PCDHA12: variants seen among roughly 807,000 people sequenced by gnomAD.
PCDHA12 encodes protocadherin alpha-12.
PCDHA12 carries 44 observed loss-of-function variants against 60.0 expected under a neutral mutation model. That is an observed-to-expected ratio of 0.73 (90% confidence interval 0.58 to 0.94). PCDHA12 has a LOEUF of 0.94. Ranked by LOEUF, PCDHA12 falls within the 40% of genes least tolerant of loss-of-function variation. The probability of loss-of-function intolerance (pLI) is 0.00; values close to 1 mark genes in which losing one functional copy is unlikely to be tolerated. For synonymous variants in PCDHA12, 569 were observed against 553.0 expected, an observed-to-expected ratio of 1.03 and a Z score of -0.40; for missense variants, 1,276 against 1,239.7, an observed-to-expected ratio of 1.03 and a Z score of -0.44.
At chr5:141,000,377 C>G (rs1213637729) in intron 3 of PCDHA12, among the ~76,000 whole-genome samples, 1 of 58,954 alleles carries the variant, frequency 1.7e-5, no homozygotes, top group South Asian at 5.5e-4. Flanking sequence ...CTCTCTCTCT[C>G]TCTCTCTCTC....
chr5:140,926,745 C>T (rs1344644551), intron 1 of PCDHA12: 3 of 1,219,360 alleles, frequency 2.5e-6, no homozygotes, highest in Non-Finnish European at 3.2e-6. Flanking sequence ...GGCGCAACGT[C>T]GGCGGTCGCT....
intron 3 of PCDHA12, among the ~76,000 whole-genome samples, chr5:141,004,253 C>G (rs1460798910): frequency 6.6e-6 from 1 of 152,200 alleles, no homozygotes; most frequent in Non-Finnish European, 1.5e-5. Flanking sequence ...TTTTGTTTTA[C>G]TGGAATGAGT....
At chr5:140,941,505 C>T (rs536733497) in intron 1 of PCDHA12, among the ~76,000 whole-genome samples, 11 of 151,390 alleles carry the variant, frequency 7.3e-5, no homozygotes, top group East Asian at 1.9e-4. Flanking sequence ...TTAGTAGAGA[C>T]GAGGTTTCAC....
Position 140,875,884 on chromosome 5 carries a change from C to A in PCDHA12, c.412C>A (p.Gln138Lys). ...DNPPVFRERE[Q>K]KVPVSESAPL... ...CCCGCCGGTGTTCAGAGAAAGGGAA[C>A]AAAAGGTACCTGTTTCTGAATCTGC... The change falls in exon 1 of 4, where the codon CAA becomes AAA. Residue 138 changes from glutamine (Q) to lysine (K), a missense_variant. Gln to Lys is a moderately conservative substitution (Grantham distance 53). Coordinates refer to ENST00000398631, the MANE Select transcript of PCDHA12 (RefSeq NM_018903.4). The A allele has an allele frequency of 6.2e-7, 1 of 1,614,168 alleles. No individual in the cohort carries two copies. The highest frequency in any genetic ancestry group is 8.5e-7 in the Non-Finnish European group (1 of 1,180,020).
chr5:140,989,575 G>A (rs2097349164), intron 3 of PCDHA12, among the ~76,000 whole-genome samples: 3 of 152,210 alleles, frequency 2.0e-5, no homozygotes. Flanking sequence ...GGCAAGCCCT[G>A]TCCTCAGCCT....
chr5:140,954,488 T>C (rs1270188262), intron 1 of PCDHA12, among the ~76,000 whole-genome samples: 1 of 152,246 alleles, frequency 6.6e-6, no homozygotes, highest in Non-Finnish European at 1.5e-5. Flanking sequence ...AGATATTTCA[T>C]TGTGGTTTTG....
At chr5:140,951,766 C>T (rs372624744) in intron 1 of PCDHA12, among the ~76,000 whole-genome samples, 78 of 152,240 alleles carry the variant, frequency 5.1e-4, no homozygotes, top group African/African-American at 1.6e-3. Context: ...AATCTCATGA[C>T]GTTCTTACAT....
chr5:140,984,712 G>A (rs2097116348), intron 3 of PCDHA12, among the ~76,000 whole-genome samples: 1 of 152,096 alleles, frequency 6.6e-6, no homozygotes, highest in Non-Finnish European at 1.5e-5. Context: ...AGGGAATATG[G>A]CATAAAGATT....
chr5:140,934,822 T>C (rs2090051776), intron 1 of PCDHA12, among the ~76,000 whole-genome samples: 1 of 152,218 alleles, frequency 6.6e-6, no homozygotes. Flanking sequence ...ATGCTAACTT[T>C]GGCAAGTTGG....
At chr5:140,946,893 A>T (rs1233227457) in intron 1 of PCDHA12, among the ~76,000 whole-genome samples, 1 of 151,482 alleles carries the variant, frequency 6.6e-6, no homozygotes, top group African/African-American at 2.4e-5. Context: ...TTACAATTAG[A>T]TAGGAAGAAT....
At chr5:140,893,011 T>C (rs1194599055) in intron 1 of PCDHA12, among the ~76,000 whole-genome samples, 1 of 152,234 alleles carries the variant, frequency 6.6e-6, no homozygotes, top group Non-Finnish European at 1.5e-5. Flanking sequence ...TATTTTTCTG[T>C]GCCTGACTTA....
At position 140,876,957 on chromosome 5, in the gene PCDHA12, G is replaced by T. The variant is rs2056730695; in HGVS notation, c.1485G>T (p.Val495=). 7 of 1,613,178 alleles carry T rather than the reference G, an allele frequency of 4.3e-6. No homozygotes were observed. Among genetic ancestry groups the T allele is most frequent in the Non-Finnish European group, 5.9e-6 (7 of 1,179,858 alleles). ...QKNALVSYSL[V]ERRVGEHALS... ...ACGCGCTGGTGTCCTACTCGCTGGT[G>T]GAGCGGCGGGTGGGCGAGCACGCAC... The change falls in exon 1 of 4, where the codon GTG becomes GTT. Residue 495 remains valine, a synonymous_variant. Coordinates refer to ENST00000398631, the MANE Select transcript of PCDHA12 (RefSeq NM_018903.4).
At chr5:140,955,126 G>T (rs947007538) in intron 1 of PCDHA12, among the ~76,000 whole-genome samples, 6 of 152,110 alleles carry the variant, frequency 3.9e-5, no homozygotes, top group African/African-American at 1.4e-4. Flanking sequence ...CTGTTCCACT[G>T]GTCTACACGT....
intron 1 of PCDHA12, chr5:140,967,436 C>T (rs781894469): frequency 6.2e-7 from 1 of 1,613,496 alleles, no homozygotes; most frequent in Non-Finnish European, 8.5e-7. Context: ...AGCCTTGCAC[C>T]ACCTGGTTCT....
Position 140,908,048 on chromosome 5 carries a change from C to T in PCDHA12, c.2367+30209C>T, listed in dbSNP as rs143198443. On this transcript the variant is annotated intron_variant, in intron 1 of 3. Transcript: ENST00000398631. The stretch of plus-strand genomic sequence containing the variant: ...ATTAATCAGTATATAATTGCACATC[C>T]GGCCATTTCTCCTTCATGAAAAGTG... 1.1e-3 allele frequency among the ~76,000 whole-genome samples: 169 copies of T among 152,294 alleles called. 1 individual carries two copies. The East Asian group carries it at 0.023, about 21-fold the overall frequency.
intron 1 of PCDHA12, among the ~76,000 whole-genome samples, chr5:140,922,316 A>T (rs983729529): frequency 6.6e-6 from 1 of 152,248 alleles, no homozygotes; most frequent in Non-Finnish European, 1.5e-5. Flanking sequence ...TTCACTGAAG[A>T]TCTTGGAAAG....
At chr5:140,967,947 C>A in intron 1 of PCDHA12, 1 of 1,614,222 alleles carries the variant, frequency 6.2e-7, no homozygotes, top group Non-Finnish European at 8.5e-7. Flanking sequence ...GACCAAGACT[C>A]AGGCCCCAAC....
chr5:140,901,546 T>C (rs2068734079), intron 1 of PCDHA12, among the ~76,000 whole-genome samples: 1 of 152,212 alleles, frequency 6.6e-6, no homozygotes, highest in Non-Finnish European at 1.5e-5. Flanking sequence ...TCTATTCTGT[T>C]CCATTCATCT....
intron 1 of PCDHA12, chr5:140,927,462 A>C (rs782679625): frequency 6.2e-7 from 1 of 1,614,138 alleles, no homozygotes; most frequent in East Asian, 2.2e-5. Flanking sequence ...TGGAGAAAGC[A>C]CTGGATCGCG....
Sources: allele counts gnomAD v4.1 joint callset (sites outside exome capture counted in the v4.1 genomes callset), GRCh38; gene constraint gnomAD v4.1.1; transcripts MANE v1.5; gene names NCBI Gene and HGNC (gene_info 2026-07-23, HGNC 2026-07-21).